The following ZNF536 variants were observed in gnomAD, a reference collection of about 807,000 sequenced individuals.
ZNF536 encodes zinc finger protein 536.
ZNF536 carries 13 observed loss-of-function variants against 84.5 expected under a neutral mutation model. That is an observed-to-expected ratio of 0.15 (90% CI 0.10 to 0.24). ZNF536 has a LOEUF of 0.24. Among genes scored for constraint, ZNF536 ranks in the 10% least tolerant of loss-of-function variants. The pLI is 1.00. For synonymous variants in ZNF536, 811 were observed against 742.5 expected (o/e 1.09, Z -1.50); for missense variants, 1,536 against 1,747.5 (o/e 0.88, Z 2.16).
At chr19:30,611,147 AC>A (rs2048092733) in intron 1 of ZNF536, among the ~76,000 whole-genome samples, 1 of 152,012 alleles carries the variant, frequency 6.6e-6, no homozygotes, top group African/African-American at 2.4e-5. Flanking sequence ...GTCCTTCCAA[AC>A]CCTCTGGGGG....
chr19:30,456,781 C>T (rs1355186706), intron 2 of ZNF536, among the ~76,000 whole-genome samples: 1 of 152,118 alleles, frequency 6.6e-6, no homozygotes. Flanking sequence ...GTGGCTCATG[C>T]CTGTAATCCC....
intron 2 of ZNF536, among the ~76,000 whole-genome samples, chr19:30,484,868 G>A (rs1458588522): frequency 6.6e-6 from 1 of 151,912 alleles, no homozygotes; most frequent in African/African-American, 2.4e-5. Context: ...TTGTTGCCGG[G>A]CGCGGTGGCT....
intron 1 of ZNF536, among the ~76,000 whole-genome samples, chr19:30,262,736 T>C (rs370769613): frequency 6.6e-6 from 1 of 152,024 alleles, no homozygotes. Flanking sequence ...GGTGGGGACA[T>C]AGGGGGACCT....
At chr19:30,525,480 G>A (rs78428322) in intron 2 of ZNF536, among the ~76,000 whole-genome samples, 7,068 of 152,216 alleles carry the variant, frequency 0.046, 465 homozygotes, top group African/African-American at 0.15. Flanking sequence ...AGGACGTCTC[G>A]CATGCTAGAA....
chr19:30,281,984 C>T (rs1268360669), intron 1 of ZNF536, among the ~76,000 whole-genome samples: 1 of 152,146 alleles, frequency 6.6e-6, no homozygotes, highest in Non-Finnish European at 1.5e-5. Context: ...AAATACAAGT[C>T]ACTTACTTGC....
intron 1 of ZNF536, among the ~76,000 whole-genome samples, chr19:30,374,341 C>T (rs985434676): frequency 2.0e-5 from 3 of 151,946 alleles, no homozygotes; most frequent in African/African-American, 7.2e-5. Context: ...TTTAGTCTAG[C>T]ACCGTAAAAA....
intron 1 of ZNF536, among the ~76,000 whole-genome samples, chr19:30,414,132 T>TA (rs1374448655): frequency 6.6e-6 from 1 of 151,220 alleles, no homozygotes; most frequent in Non-Finnish European, 1.5e-5. Flanking sequence ...TGTACCTATT[T>TA]AATGTTTTGG....
intron 3 of ZNF536, among the ~76,000 whole-genome samples, chr19:30,540,100 C>A (rs1011406238): frequency 2.6e-5 from 4 of 152,122 alleles, no homozygotes; most frequent in African/African-American, 9.7e-5. Context: ...GGAATGGATC[C>A]GCACAGGGAA....
chr19:30,583,857 T>C (rs1455103118), intron 1 of ZNF536, among the ~76,000 whole-genome samples: 1 of 152,202 alleles, frequency 6.6e-6, no homozygotes, highest in Non-Finnish European at 1.5e-5. Context: ...AGCTCGGCTA[T>C]TGATGGAGAC....
intron 3 of ZNF536, among the ~76,000 whole-genome samples, chr19:30,360,446 C>G (rs1384292887): frequency 6.6e-6 from 1 of 152,206 alleles, no homozygotes; most frequent in Non-Finnish European, 1.5e-5. Flanking sequence ...CGGGCCTTGT[C>G]TGCATATAAA....
intron 1 of ZNF536, among the ~76,000 whole-genome samples, chr19:30,435,734 T>C (rs1228532513): frequency 1.3e-5 from 2 of 152,138 alleles, no homozygotes; most frequent in African/African-American, 4.8e-5. Flanking sequence ...CTTTGTGTGG[T>C]ATAGGCAGAA....
At chr19:30,635,061 A>G (rs974818665) in intron 1 of ZNF536, among the ~76,000 whole-genome samples, 2 of 109,950 alleles carry the variant, frequency 1.8e-5, no homozygotes, top group Non-Finnish European at 3.8e-5. Flanking sequence ...GGAGAGAAGA[A>G]AGCTGGGTGT....
In ZNF536 at chr19:30,524,240, C is replaced by T. The variant is rs902294625; in HGVS notation, c.2171-10607C>T. Among the ~76,000 whole-genome samples, 8 of 152,210 alleles carry T rather than the reference C, an allele frequency of 5.3e-5. 1 individual carries two copies. Among genetic ancestry groups the T allele is most frequent in the Admixed American group, 5.2e-4 (8 of 15,280 alleles). ...TTATCATGTATCTCTTTGTTGCAGA[C>T]ACTTTTATAAAAGAGTATGTATTAT... On this transcript the variant is annotated intron_variant, in intron 2 of 4. Coordinates refer to ENST00000355537, the MANE Select transcript of ZNF536 (RefSeq NM_014717.3).
chr19:30,364,586 T>C (rs2048369097), intron 3 of ZNF536, among the ~76,000 whole-genome samples: 1 of 152,166 alleles, frequency 6.6e-6, no homozygotes, highest in Admixed American at 6.5e-5. Context: ...TTTCTCTCGA[T>C]TGAGGCTTAT....
chr19:30,278,735 T>G (rs1420098800), intron 1 of ZNF536, among the ~76,000 whole-genome samples: 1 of 152,038 alleles, frequency 6.6e-6, no homozygotes, highest in Non-Finnish European at 1.5e-5. Flanking sequence ...TGCCTGCCTT[T>G]CCCCTGCCAC....
intron 1 of ZNF536, among the ~76,000 whole-genome samples, chr19:30,414,271 A>T (rs1401496820): frequency 2.0e-5 from 3 of 152,138 alleles, no homozygotes; most frequent in Non-Finnish European, 1.5e-5. Flanking sequence ...CACATAAAGA[A>T]TATAAAACTG....
At chr19:30,319,079 C>A (rs1419852050) in intron 2 of ZNF536, among the ~76,000 whole-genome samples, 1 of 152,160 alleles carries the variant, frequency 6.6e-6, no homozygotes, top group South Asian at 2.1e-4. Flanking sequence ...TGTCTGAGAG[C>A]GTTTTCCAGA....
At chr19:30,340,853 CAGAG>C (rs142893215) in intron 2 of ZNF536, among the ~76,000 whole-genome samples, 2 of 150,578 alleles carry the variant, frequency 1.3e-5, no homozygotes, top group Non-Finnish European at 3.0e-5. Flanking sequence ...GTGAGCCTCT[CAGAG>C]AGAGAGAGAG....
At chr19:30,385,108 C>T (rs2049284219) in intron 1 of ZNF536, among the ~76,000 whole-genome samples, 1 of 152,076 alleles carries the variant, frequency 6.6e-6, no homozygotes, top group South Asian at 2.1e-4. Flanking sequence ...GGTCTAACAC[C>T]CGGACTTGAT....
Sources: allele counts gnomAD v4.1 joint callset (sites outside exome capture counted in the v4.1 genomes callset), GRCh38; gene constraint gnomAD v4.1.1; transcripts MANE v1.5; gene names NCBI Gene and HGNC (gene_info 2026-07-23, HGNC 2026-07-21).